Variants in CSMD1 observed in about 807,000 individuals in gnomAD.
CSMD1 encodes the protein CUB and Sushi multiple domains 1.
A neutral mutation model predicts 417.5 loss-of-function variants in CSMD1; 213 were observed. The observed-to-expected ratio is 0.51, with a 90% CI of 0.46 to 0.57. CSMD1 has a LOEUF of 0.57. Ranked by LOEUF, CSMD1 falls within the 20% of genes least tolerant of loss-of-function variation. CSMD1 has a pLI of 0.00. For synonymous variants in CSMD1, 2,862 were observed against 1,736.8 expected (o/e 1.65, Z -16.11); for missense variants, 6,923 against 4,529.7 (o/e 1.53, Z -15.17).
At chr8:3,930,764 C>T (rs796531168) in intron 5 of CSMD1, among the ~76,000 whole-genome samples, 5 of 150,484 alleles carry the variant, frequency 3.3e-5, no homozygotes, top group African/African-American at 1.2e-4. Context: ...TTCTTTACGG[C>T]ACCAGGGAAC....
intron 3 of CSMD1, among the ~76,000 whole-genome samples, chr8:4,405,697 A>G (rs1804969560): frequency 6.6e-6 from 1 of 152,192 alleles, no homozygotes; most frequent in African/African-American, 2.4e-5. Context: ...ATAAAACAGG[A>G]TGTGTCTATT....
chr8:4,794,884 G>A (rs368356831), intron 1 of CSMD1, among the ~76,000 whole-genome samples: 3 of 152,270 alleles, frequency 2.0e-5, no homozygotes, highest in African/African-American at 4.8e-5. Flanking sequence ...ACTGCAGATT[G>A]CAGGTGGCAA....
intron 3 of CSMD1, among the ~76,000 whole-genome samples, chr8:4,356,384 T>A (rs983534489): frequency 6.6e-6 from 1 of 151,986 alleles, no homozygotes; most frequent in Non-Finnish European, 1.5e-5. Context: ...TTATGGACAT[T>A]TGGGTTGGTT....
chr8:3,545,233 T>C (rs1798609003), intron 10 of CSMD1, among the ~76,000 whole-genome samples: 1 of 152,180 alleles, frequency 6.6e-6, no homozygotes, highest in Admixed American at 6.5e-5. Context: ...TATGTGTATA[T>C]ATGTATGTGT....
At chr8:4,018,242 T>A (rs1392593533) in intron 4 of CSMD1, among the ~76,000 whole-genome samples, 1 of 152,256 alleles carries the variant, frequency 6.6e-6, no homozygotes, top group African/African-American at 2.4e-5. Context: ...TGACTTTTTA[T>A]GATTTAAACA....
chr8:3,263,871 A>G (rs1314079641), intron 26 of CSMD1, among the ~76,000 whole-genome samples: 1 of 152,214 alleles, frequency 6.6e-6, no homozygotes, highest in East Asian at 1.9e-4. Context: ...CTCTTCTTTG[A>G]TGTGTAAAAA....
At chr8:3,271,380 A>T (rs528306955) in intron 26 of CSMD1, among the ~76,000 whole-genome samples, 1 of 151,984 alleles carries the variant, frequency 6.6e-6, no homozygotes, top group African/African-American at 2.4e-5. Flanking sequence ...ATAATGCCAC[A>T]ATAAACATAC....
intron 39 of CSMD1, among the ~76,000 whole-genome samples, chr8:3,154,949 G>T (rs1018843096): frequency 1.3e-5 from 2 of 152,032 alleles, no homozygotes; most frequent in Admixed American, 6.6e-5. Flanking sequence ...TTAATCACTA[G>T]AATCTGTCTT....
In CSMD1 at chr8:4,146,460, T is replaced by A. The variant is rs1040803017; in HGVS notation, c.416-114361A>T. Among the ~76,000 whole-genome samples the A allele has an allele frequency of 2.0e-5, 3 of 150,586 alleles. 1 individual carries two copies. Among genetic ancestry groups the A allele is most frequent in the African/African-American group, 5.0e-5 (2 of 40,052 alleles). ...TGTGTCTCAGCAGTAAGTGTAGAGTTAACAATGTTGAAAAGGCTGTTTACC... is the reference window on the plus strand; with the variant it reads ...TGTGTCTCAGCAGTAAGTGTAGAGTAAACAATGTTGAAAAGGCTGTTTACC... On this transcript the variant is annotated intron_variant, in intron 3 of 69. Transcript: ENST00000635120.
At chr8:4,510,218 C>T (rs1212065764) in intron 2 of CSMD1, among the ~76,000 whole-genome samples, 1 of 151,824 alleles carries the variant, frequency 6.6e-6, no homozygotes, top group Non-Finnish European at 1.5e-5. Context: ...TCTCTCCAGC[C>T]ATGTGGAACT....
At chr8:3,805,417 C>G (rs1039513893) in intron 5 of CSMD1, among the ~76,000 whole-genome samples, 1 of 152,148 alleles carries the variant, frequency 6.6e-6, no homozygotes, top group Non-Finnish European at 1.5e-5. Context: ...AAGAAGTGGT[C>G]ACCTCTCAGC....
rs1372402582 is a variant in CSMD1, at chr8:3,359,205, G to C, written c.3251C>G (p.Thr1084Ser). The part of the protein sequence containing the change: ...GYRLEGATKL[T>S]CLGGGRRVWS... ...CACACGGCGGCCCCCACCCAGGCAG[G>C]TAAGCTTGGTGGCACCTTCTAAACG... Residue 1084 changes from threonine (T) to serine (S), a missense_variant, in exon 21 of 70, where the codon ACC (threonine) becomes AGC (serine). Thr to Ser is a moderately conservative substitution (Grantham distance 58). Transcript: ENST00000635120. 1 of 1,613,930 alleles carries C rather than the reference G, an allele frequency of 6.2e-7. No individual in the cohort carries two copies. Among genetic ancestry groups the C allele is most frequent in the Non-Finnish European group, 8.5e-7 (1 of 1,179,896 alleles).
intron 10 of CSMD1, among the ~76,000 whole-genome samples, chr8:3,513,149 G>A (rs1370919256): frequency 6.6e-6 from 1 of 151,232 alleles, no homozygotes; most frequent in African/African-American, 2.4e-5. Flanking sequence ...ATGCCTTTAT[G>A]GATTCAGCTA....
intron 3 of CSMD1, among the ~76,000 whole-genome samples, chr8:4,118,766 C>T (rs991270485): frequency 6.6e-6 from 1 of 152,168 alleles, no homozygotes; most frequent in Non-Finnish European, 1.5e-5. Flanking sequence ...GAATATGAAT[C>T]GTTCTACTAT....
intron 1 of CSMD1, chr8:4,787,783 G>C: frequency 1.3e-6 from 2 of 1,574,586 alleles, no homozygotes; most frequent in South Asian, 2.2e-5. Context: ...ACTTGTTACA[G>C]GCCAGACTGA....
rs139727748 is a variant in CSMD1 at position 3,039,897 on chromosome 8, C to T, written c.7661-10384G>A. 7.6e-3 allele frequency among the ~76,000 whole-genome samples: 1,153 copies of T among 152,264 alleles called. 11 individuals carry two copies. The highest frequency in any genetic ancestry group is 0.017 in the Middle Eastern group (5 of 294). On this transcript the variant is annotated intron_variant, in intron 50 of 69. Transcript: ENST00000635120. ...TTGCCGTCCCCAATATCAAACCAAACGTGTTCCTCTTCTAAAAATTAATCT... is the reference window on the plus strand; with the variant it reads ...TTGCCGTCCCCAATATCAAACCAAATGTGTTCCTCTTCTAAAAATTAATCT...
chr8:4,726,567 G>A (rs952862673), intron 1 of CSMD1, among the ~76,000 whole-genome samples: 1 of 152,112 alleles, frequency 6.6e-6, no homozygotes, highest in African/African-American at 2.4e-5. Flanking sequence ...CCACTTCCCT[G>A]TCTGACAGGT....
intron 1 of CSMD1, among the ~76,000 whole-genome samples, chr8:4,775,745 G>A (rs1046048252): frequency 1.3e-5 from 2 of 152,164 alleles, no homozygotes; most frequent in Admixed American, 1.3e-4. Context: ...AATGTGTCCT[G>A]CCATCCAAGA....
chr8:4,588,543 C>T (rs998928362), intron 2 of CSMD1, among the ~76,000 whole-genome samples: 1 of 151,738 alleles, frequency 6.6e-6, no homozygotes, highest in Non-Finnish European at 1.5e-5. Flanking sequence ...GCCTGTAATC[C>T]CAGCCCTTTC....
Sources: allele counts gnomAD v4.1 joint callset (sites outside exome capture counted in the v4.1 genomes callset), GRCh38; gene constraint gnomAD v4.1.1; transcripts MANE v1.5; gene names NCBI Gene and HGNC (gene_info 2026-07-23, HGNC 2026-07-21).